GPR39: variants seen among roughly 807,000 people sequenced by gnomAD.
The protein encoded by GPR39 is G protein-coupled receptor 39, also known as zinc sensing receptor.
A neutral mutation model predicts 18.4 loss-of-function variants in GPR39; 23 were observed. The ratio of observed to expected loss-of-function variants is 1.25; its 90% confidence interval spans 0.90 to 1.77. The LOEUF is 1.77. GPR39 is among the 40% of genes most tolerant of loss of function. GPR39 has a pLI of 0.00. For synonymous variants in GPR39, 280 were observed against 257.9 expected (o/e 1.09, Z -0.82); for missense variants, 647 against 602.4 (o/e 1.07, Z -0.78).
At chr2:132,423,329 G>A (rs973940454) in intron 1 of GPR39, among the ~76,000 whole-genome samples, 1 of 150,148 alleles carries the variant, frequency 6.7e-6, no homozygotes, top group African/African-American at 2.5e-5. Flanking sequence ...CTTCTTATAA[G>A]GATGCTGGTC....
chr2:132,644,326 G>A (rs567312271), intron 1 of GPR39, among the ~76,000 whole-genome samples: 1 of 152,344 alleles, frequency 6.6e-6, no homozygotes, highest in Admixed American at 6.5e-5. Context: ...CTTCTGGGCT[G>A]TTGACAGCAC....
At chr2:132,422,981 C>A (rs911083174) in intron 1 of GPR39, among the ~76,000 whole-genome samples, 1 of 151,970 alleles carries the variant, frequency 6.6e-6, no homozygotes, top group African/African-American at 2.4e-5. Context: ...TAAAACCATT[C>A]AGAATAAAAG....
At chr2:132,552,598 G>T (rs954129358) in intron 1 of GPR39, among the ~76,000 whole-genome samples, 2 of 151,948 alleles carry the variant, frequency 1.3e-5, no homozygotes, top group East Asian at 1.9e-4. Context: ...TAATAATCTA[G>T]AGATTATTTA....
At chr2:132,538,846 A>G (rs1348640400) in intron 1 of GPR39, among the ~76,000 whole-genome samples, 1 of 152,028 alleles carries the variant, frequency 6.6e-6, no homozygotes, top group Non-Finnish European at 1.5e-5. Context: ...AAACCTCTCA[A>G]TCTCCTTAGC....
At chr2:132,632,496 T>C (rs997928964) in intron 1 of GPR39, among the ~76,000 whole-genome samples, 10 of 152,148 alleles carry the variant, frequency 6.6e-5, no homozygotes, top group Admixed American at 1.3e-4. Context: ...TCAGAAAGCA[T>C]TGGACTTTTG....
intron 1 of GPR39, among the ~76,000 whole-genome samples, chr2:132,606,434 G>A (rs973870803): frequency 6.6e-6 from 1 of 152,244 alleles, no homozygotes; most frequent in African/African-American, 2.4e-5. Context: ...CAACAGGGGT[G>A]TGGCTCACTT....
intron 1 of GPR39, among the ~76,000 whole-genome samples, chr2:132,518,590 T>A (rs973048218): frequency 6.6e-6 from 1 of 152,164 alleles, no homozygotes; most frequent in East Asian, 1.9e-4. Context: ...GAGATGGGCT[T>A]CCTCTGTTAA....
At chr2:132,565,343 T>C (rs955977640) in intron 1 of GPR39, among the ~76,000 whole-genome samples, 3 of 151,344 alleles carry the variant, frequency 2.0e-5, no homozygotes, top group Non-Finnish European at 4.4e-5. Flanking sequence ...GAACTCCCAA[T>C]AGCCTTTGTC....
At position 132,564,803 on chromosome 2, in the gene GPR39, C is replaced by CTTTTTTTTTT. The variant is rs1680316668; in HGVS notation, c.857-80292_857-80291insTTTTTTTTTT. 8.7e-5 allele frequency among the ~76,000 whole-genome samples: 8 copies of CTTTTTTTTTT among 91,706 alleles called. No individual in the cohort carries two copies. In the East Asian group the frequency reaches 2.0e-3, roughly 23 times the overall value. 60.2% of individuals were successfully genotyped at this position (91,706 alleles called of 152,430 possible). The stretch of plus-strand genomic sequence containing the variant: ...AGGAAGCTTTAATAACTATTTTTTT[C>CTTTTTTTTTT]TTTTTTCTTTTTTTTTTTTTTTTTT... On this transcript the variant is annotated intron_variant, in intron 1 of 1. Transcript: ENST00000329321.
intron 1 of GPR39, among the ~76,000 whole-genome samples, chr2:132,532,945 A>T (rs1255168693): frequency 1.3e-5 from 2 of 152,174 alleles, no homozygotes; most frequent in Non-Finnish European, 1.5e-5. Context: ...CAAGACAGGG[A>T]TGCCCTCTCT....
At chr2:132,493,813 A>T (rs1210536418) in intron 1 of GPR39, among the ~76,000 whole-genome samples, 1 of 152,030 alleles carries the variant, frequency 6.6e-6, no homozygotes, top group Non-Finnish European at 1.5e-5. Flanking sequence ...CTAGATACAG[A>T]CATGAGAGTC....
In GPR39 at chr2:132,458,281, G is replaced by A. The variant is rs1343782183; in HGVS notation, c.856+40383G>A. On this transcript the variant is annotated intron_variant, in intron 1 of 1. Coordinates refer to ENST00000329321, the MANE Select transcript of GPR39 (RefSeq NM_001508.3). Reference sequence around the variant, plus strand: ...CATCTTCTGTATTCTTACCAGTCTTGTTTTACTTGTGTTGCTTCAATTTTG... The same window carrying A: ...CATCTTCTGTATTCTTACCAGTCTTATTTTACTTGTGTTGCTTCAATTTTG... Among the ~76,000 whole-genome samples, 7 of 152,150 alleles carry A rather than the reference G, an allele frequency of 4.6e-5. No homozygotes were observed. In the South Asian group the frequency reaches 1.2e-3, roughly 27 times the overall value.
chr2:132,452,328 T>G (rs2104771532), intron 1 of GPR39, among the ~76,000 whole-genome samples: 1 of 152,312 alleles, frequency 6.6e-6, no homozygotes, highest in Admixed American at 6.5e-5. Context: ...TTCTGGAAAA[T>G]GTATTGAGTT....
intron 1 of GPR39, among the ~76,000 whole-genome samples, chr2:132,482,731 C>T (rs1174217222): frequency 6.6e-6 from 1 of 152,168 alleles, no homozygotes; most frequent in Non-Finnish European, 1.5e-5. Flanking sequence ...TGCCAGTGAA[C>T]CTATATTTTC....
At chr2:132,504,050 A>AGTTTTTGGCATCTCAGGGAGCCTGCAGG (rs1679090459) in intron 1 of GPR39, among the ~76,000 whole-genome samples, 1 of 152,204 alleles carries the variant, frequency 6.6e-6, no homozygotes, top group African/African-American at 2.4e-5. Context: ...AAGTTGACTC[A>AGTTTTTGGCATCTCAGGGAGCCTGCAGG]GTTTTTGGCA....
chr2:132,634,010 A>G lies in GPR39; in HGVS notation c.857-11091A>G, dbSNP rs573804924. On this transcript the variant is annotated intron_variant, in intron 1 of 1. Transcript: ENST00000329321. ...AGGTGGAGATGATGATGGTGGTGGA[A>G]GCAGTGTTGGTGTTGGTGGTAGGGG... Among the ~76,000 whole-genome samples the G allele has an allele frequency of 2.8e-5, 4 of 145,302 alleles. No individual in the cohort carries two copies. The East Asian group carries it at 6.1e-4, about 22-fold the overall frequency.
chr2:132,628,396 A>T (rs1681590007), intron 1 of GPR39, among the ~76,000 whole-genome samples: 1 of 152,204 alleles, frequency 6.6e-6, no homozygotes, highest in African/African-American at 2.4e-5. Flanking sequence ...AGAGACCAGC[A>T]GACTCAAATG....
At chr2:132,417,919 A>G in intron 1 of GPR39, 21 bp downstream of exon 1, 1 of 1,553,774 alleles carries the variant, frequency 6.4e-7, no homozygotes, top group Middle Eastern at 2.1e-4. Context: ...AGTCGGGGGC[A>G]ACACGTGAGC....
intron 1 of GPR39, among the ~76,000 whole-genome samples, chr2:132,441,974 A>C (rs1427625917): frequency 6.6e-6 from 1 of 152,144 alleles, no homozygotes; most frequent in Non-Finnish European, 1.5e-5. Flanking sequence ...TTTCTCCTTG[A>C]AAATGCAGTT....
Sources: gnomAD v4.1 joint callset for allele counts (sites outside exome capture counted in the v4.1 genomes callset) on GRCh38, gnomAD v4.1.1 for gene constraint, MANE v1.5 for transcripts, NCBI Gene and HGNC (gene_info 2026-07-23, HGNC 2026-07-21) for gene names.